The following KCNH5 variants were observed in gnomAD, a reference collection of about 807,000 sequenced individuals.
KCNH5 encodes the protein voltage-gated delayed rectifier potassium channel KCNH5.
A neutral mutation model predicts 96.1 loss-of-function variants in KCNH5; 46 were observed. The observed-to-expected ratio is 0.48, with a 90% CI of 0.38 to 0.61. KCNH5 has a LOEUF of 0.61. Ranked by LOEUF, KCNH5 falls within the 20% of genes least tolerant of loss-of-function variation. KCNH5 has a pLI of 0.00. For synonymous variants in KCNH5, 439 were observed against 449.8 expected, an observed-to-expected ratio of 0.98 and a Z score of 0.30; for missense variants, 907 against 1,225.8, an observed-to-expected ratio of 0.74 and a Z score of 3.88.
At chr14:62,794,404 A>G (rs994165377) in intron 9 of KCNH5, among the ~76,000 whole-genome samples, 1 of 150,376 alleles carries the variant, frequency 6.6e-6, no homozygotes, top group Admixed American at 6.6e-5. Flanking sequence ...TTTTTTTGTA[A>G]TTTGATGGGT....
chr14:62,701,855 G>T lies in KCNH5; in HGVS notation c.*5653C>A, dbSNP rs1449150340. 1.3e-5 allele frequency: 2 copies of T among 151,970 alleles called. No homozygotes were observed. Among genetic ancestry groups the T allele is most frequent in the Non-Finnish European group, 2.9e-5 (2 of 67,956 alleles). 9.4% of individuals were successfully genotyped at this position (151,970 alleles called of 1,614,324 possible). On this transcript the variant is annotated 3_prime_UTR_variant, in exon 11 of 11. Coordinates refer to ENST00000322893, the MANE Select transcript of KCNH5 (RefSeq NM_139318.5). Reference sequence around the variant, plus strand: ...TGAGCTCATTAATTTTGGAAATAAGGATACAAGTTGCCATTCTAAACAGAA... The same window carrying T: ...TGAGCTCATTAATTTTGGAAATAAGTATACAAGTTGCCATTCTAAACAGAA...
intron 10 of KCNH5, among the ~76,000 whole-genome samples, chr14:62,747,634 CTCA>C (rs1885407017): frequency 6.6e-6 from 1 of 152,318 alleles, no homozygotes; most frequent in South Asian, 2.1e-4. Flanking sequence ...TAATGCTAAT[CTCA>C]GCACATGCAG....
At chr14:63,020,670 G>C (rs1382294494) in intron 1 of KCNH5, among the ~76,000 whole-genome samples, 1 of 152,076 alleles carries the variant, frequency 6.6e-6, no homozygotes, top group East Asian at 1.9e-4. Context: ...AAGATAAAAA[G>C]AACTTTCTGG....
At chr14:62,789,813 T>C (rs1047567109) in intron 9 of KCNH5, among the ~76,000 whole-genome samples, 2 of 151,944 alleles carry the variant, frequency 1.3e-5, no homozygotes, top group Non-Finnish European at 2.9e-5. Flanking sequence ...AGTTCTTACA[T>C]ATATGTGGTT....
chr14:62,806,650 G>A (rs1566666548), intron 8 of KCNH5, among the ~76,000 whole-genome samples: 1 of 152,038 alleles, frequency 6.6e-6, no homozygotes, highest in Non-Finnish European at 1.5e-5. Flanking sequence ...TCAACTTAGG[G>A]GAGTTAGAGT....
At chr14:62,747,119 AG>A (rs367926558) in intron 10 of KCNH5, among the ~76,000 whole-genome samples, 155 of 152,320 alleles carry the variant, frequency 1.0e-3, no homozygotes, top group African/African-American at 3.7e-3. Flanking sequence ...GGATCACCTG[AG>A]GTCAGGAGTT....
At chr14:62,977,585 GAA>G (rs1890526206) in intron 6 of KCNH5, among the ~76,000 whole-genome samples, 1 of 152,104 alleles carries the variant, frequency 6.6e-6, no homozygotes, top group Admixed American at 6.6e-5. Context: ...TGGTGACATG[GAA>G]GCAAATAATA....
At chr14:62,953,014 C>T (rs1024558195) in intron 6 of KCNH5, among the ~76,000 whole-genome samples, 1 of 151,398 alleles carries the variant, frequency 6.6e-6, no homozygotes, top group African/African-American at 2.4e-5. Flanking sequence ...TATAAAATAT[C>T]AGTTTTATAT....
chr14:62,821,892 T>C (rs1195525852), intron 8 of KCNH5, among the ~76,000 whole-genome samples: 1 of 152,050 alleles, frequency 6.6e-6, no homozygotes, highest in African/African-American at 2.4e-5. Flanking sequence ...TTGATAAAAA[T>C]GTTCCTGGAG....
intron 10 of KCNH5, among the ~76,000 whole-genome samples, chr14:62,771,648 A>T (rs1252095740): frequency 6.6e-6 from 1 of 152,122 alleles, no homozygotes; most frequent in Admixed American, 6.5e-5. Context: ...AAGACTCTAA[A>T]CTAGAAACTA....
chr14:62,843,410 C>CTTT (rs570775868), intron 8 of KCNH5, among the ~76,000 whole-genome samples: 31 of 111,960 alleles, frequency 2.8e-4, no homozygotes, highest in Non-Finnish European at 4.9e-4. Context: ...ATTTACATGG[C>CTTT]TTTTTTTTTT....
At chr14:62,987,443 C>A (rs554925750) in intron 4 of KCNH5, among the ~76,000 whole-genome samples, 1 of 152,310 alleles carries the variant, frequency 6.6e-6, no homozygotes, top group South Asian at 2.1e-4. Context: ...GCCAATGCAA[C>A]TAGCTATCCA....
At chr14:62,995,751 T>C (rs561651746) in intron 4 of KCNH5, among the ~76,000 whole-genome samples, 2 of 152,212 alleles carry the variant, frequency 1.3e-5, no homozygotes, top group East Asian at 3.9e-4. Flanking sequence ...TAACTGTGAT[T>C]CCTGTTTTTA....
intron 8 of KCNH5, among the ~76,000 whole-genome samples, chr14:62,837,942 C>T (rs1887497655): frequency 6.6e-6 from 1 of 152,060 alleles, no homozygotes; most frequent in Non-Finnish European, 1.5e-5. Flanking sequence ...GGGAGTTGGG[C>T]TGGGTTGTTT....
chr14:62,752,425 T>C (rs143990255), intron 10 of KCNH5, among the ~76,000 whole-genome samples: 92 of 152,092 alleles, frequency 6.0e-4, no homozygotes, highest in Admixed American at 7.2e-4. Context: ...TTGCAGGCTT[T>C]GGTTATTGGA....
At chr14:62,810,990 C>T (rs192560797) in intron 8 of KCNH5, among the ~76,000 whole-genome samples, 15 of 152,068 alleles carry the variant, frequency 9.9e-5, no homozygotes, top group South Asian at 4.1e-4. Context: ...CCTGACCCAA[C>T]GGCTATCTTT....
intron 7 of KCNH5, among the ~76,000 whole-genome samples, chr14:62,906,478 C>T (rs575016601): frequency 6.6e-6 from 1 of 152,178 alleles, no homozygotes; most frequent in Non-Finnish European, 1.5e-5. Flanking sequence ...ATCTATATTT[C>T]ACTTGGATCA....
At chr14:62,716,943 G>C (rs987466511) in intron 10 of KCNH5, among the ~76,000 whole-genome samples, 4 of 152,152 alleles carry the variant, frequency 2.6e-5, no homozygotes, top group Non-Finnish European at 4.4e-5. Context: ...AAGGAGTTCA[G>C]CAAGGATGCA....
chr14:62,784,885 A>G (rs1886289424), intron 9 of KCNH5, among the ~76,000 whole-genome samples: 1 of 152,210 alleles, frequency 6.6e-6, no homozygotes, highest in Admixed American at 6.5e-5. Context: ...TCTATGATAT[A>G]GTAAGAATAG....
Sources: allele counts gnomAD v4.1 joint callset (sites outside exome capture counted in the v4.1 genomes callset), GRCh38; gene constraint gnomAD v4.1.1; transcripts MANE v1.5; gene names NCBI Gene and HGNC (gene_info 2026-07-23, HGNC 2026-07-21).